WDR59: variants seen among roughly 807,000 people sequenced by gnomAD.
WDR59 encodes the protein GATOR2 complex protein WDR59.
In WDR59, 100 loss-of-function variants were observed where a neutral mutation model predicts 131.2. The ratio of observed to expected loss-of-function variants is 0.76; its 90% CI spans 0.65 to 0.90. The LOEUF is 0.90. Among genes scored for constraint, WDR59 ranks in the 40% least tolerant of loss-of-function variants. WDR59 has a pLI of 0.00. For missense variants in WDR59, 1,203 were observed against 1,262.2 expected (o/e 0.95, Z 0.71); for synonymous variants, 601 against 466.2 (o/e 1.29, Z -3.72).
intron 6 of WDR59, among the ~76,000 whole-genome samples, chr16:74,945,571 T>C (rs910095155): frequency 3.3e-5 from 5 of 152,006 alleles, no homozygotes; most frequent in Non-Finnish European, 7.4e-5. Context: ...TTCTATTCAG[T>C]TATACGCCCT....
rs769401741 is a variant in WDR59, at chr16:74,886,510, C to T, written c.2420-114G>A. Reference sequence around the variant, plus strand: ...TGGATTTCCCAGAAGAAATGTTAAGCGAGGCTGAATATTCTGAGAAATATA... The same window carrying T: ...TGGATTTCCCAGAAGAAATGTTAAGTGAGGCTGAATATTCTGAGAAATATA... On this transcript the variant is annotated intron_variant, in intron 23 of 25. Transcript: ENST00000262144. The T allele has an allele frequency of 2.7e-4, 372 of 1,370,890 alleles. 1 individual carries two copies. The highest frequency in any genetic ancestry group is 2.8e-4 in the Non-Finnish European group (287 of 1,027,372). 84.9% of individuals were successfully genotyped at this position (1,370,890 alleles called of 1,614,324 possible).
At chr16:74,981,848 G>C (rs1177122935) in intron 1 of WDR59, among the ~76,000 whole-genome samples, 1 of 140,110 alleles carries the variant, frequency 7.1e-6, no homozygotes, top group Non-Finnish European at 1.6e-5. Flanking sequence ...TAGAGATAGG[G>C]TTTCACCATG....
chr16:74,962,522 T>C lies in WDR59; in HGVS notation c.104+3251A>G, dbSNP rs546763705. Among the ~76,000 whole-genome samples, 6 of 152,286 alleles carry C rather than the reference T, an allele frequency of 3.9e-5. No homozygotes were observed. In the South Asian group the frequency reaches 1.2e-3, roughly 32 times the overall value. On this transcript the variant is annotated intron_variant, in intron 2 of 25. Coordinates refer to ENST00000262144, the MANE Select transcript of WDR59 (RefSeq NM_030581.4). ...TCACTTCCCTTGTTAGCTGTATTCC[T>C]AGGTATTTTATTCTCTTTGTAACAA...
chr16:74,938,403 T>A, intron 7 of WDR59, 137 bp from the exon 8 acceptor site: 1 of 542,694 alleles, frequency 1.8e-6, no homozygotes, highest in South Asian at 5.3e-5. Flanking sequence ...AGACTTTGTT[T>A]GTTTTGGTTA....
chr16:74,918,760 A>G (rs1180138469), intron 10 of WDR59, among the ~76,000 whole-genome samples: 1 of 152,206 alleles, frequency 6.6e-6, no homozygotes, highest in Non-Finnish European at 1.5e-5. Context: ...AATTTCATCC[A>G]ATTTCTTAAT....
intron 16 of WDR59, among the ~76,000 whole-genome samples, 197 bp from the exon 17 acceptor site, chr16:74,909,174 G>A (rs11149783): frequency 0.63 from 95,495 of 151,738 alleles, 30,117 homozygotes; most frequent in East Asian, 0.71. Context: ...GAGAGAGGAT[G>A]TATGTGGACT....
chr16:74,907,903 TTAGATAA>T (rs1200798482), intron 17 of WDR59, among the ~76,000 whole-genome samples: 1 of 152,180 alleles, frequency 6.6e-6, no homozygotes, highest in Non-Finnish European at 1.5e-5. Context: ...AAGCTGAAGT[TTAGATAA>T]CTTGCCCAAG....
At position 74,916,577 on chromosome 16, in the gene WDR59, G is replaced by A. The variant is rs115788613; in HGVS notation, c.967-318C>T. On this transcript the variant is annotated intron_variant, in intron 11 of 25. Coordinates refer to ENST00000262144, the MANE Select transcript of WDR59 (RefSeq NM_030581.4). ...ATCCAGGAGCAAAAATATCATAACC[G>A]GCCAGGCGTAGTGGCTCATGCCTGT... Among the ~76,000 whole-genome samples the A allele has an allele frequency of 7.9e-3, 1,195 of 152,194 alleles. 12 individuals carry two copies. The highest frequency in any genetic ancestry group is 0.027 in the African/African-American group (1,119 of 41,524).
chr16:74,933,569 G>A (rs2031569678), intron 8 of WDR59, among the ~76,000 whole-genome samples: 3 of 151,992 alleles, frequency 2.0e-5, no homozygotes, highest in African/African-American at 7.3e-5. Context: ...TATCAAGACT[G>A]CAATCATTTC....
rs1012876553 is a variant in WDR59 at position 74,889,828 on chromosome 16, A to G, written c.2083-13T>C. 1 of 1,597,152 alleles carries G rather than the reference A, an allele frequency of 6.3e-7. No individual in the cohort carries two copies. Among genetic ancestry groups the G allele is most frequent in the Non-Finnish European group, 8.5e-7 (1 of 1,171,018 alleles). ...CCAGCGACCAAACCTGGACAGATCAAAGAGAAATACAAACTCAAACTGGCA... is the reference window on the plus strand; with the variant it reads ...CCAGCGACCAAACCTGGACAGATCAGAGAGAAATACAAACTCAAACTGGCA... On this transcript the variant is annotated splice_polypyrimidine_tract_variant and intron_variant, in intron 20 of 25. Coordinates refer to ENST00000262144, the MANE Select transcript of WDR59 (RefSeq NM_030581.4).
chr16:74,910,775 T>G (rs983541010), intron 14 of WDR59, among the ~76,000 whole-genome samples: 1 of 152,198 alleles, frequency 6.6e-6, no homozygotes, highest in African/African-American at 2.4e-5. Context: ...CAAGGTCTGA[T>G]TTTTCCTTTG....
chr16:74,937,795 C>T (rs933355761), intron 8 of WDR59, among the ~76,000 whole-genome samples: 12 of 152,180 alleles, frequency 7.9e-5, no homozygotes, highest in African/African-American at 2.9e-4. Context: ...AGCCACCATG[C>T]CCGGCCAACT....
At chr16:74,969,275 ATTTGT>A (rs1486379445) in intron 1 of WDR59, among the ~76,000 whole-genome samples, 3 of 152,088 alleles carry the variant, frequency 2.0e-5, no homozygotes, top group Admixed American at 6.6e-5. Flanking sequence ...TATTATACAT[ATTTGT>A]TTTGTCTTTT....
intron 14 of WDR59, chr16:74,911,925 A>T (rs1243310627): frequency 1.8e-6 from 1 of 544,296 alleles, no homozygotes; most frequent in African/African-American, 1.9e-5. Context: ...CTCAAATCAT[A>T]TGCAATCATT....
chr16:74,942,668 T>C, intron 7 of WDR59, 70 bp downstream of exon 7: 1 of 1,492,932 alleles, frequency 6.7e-7, no homozygotes, highest in Non-Finnish European at 9.3e-7. Flanking sequence ...GTCCTGGCAC[T>C]CATAAAATCA....
intron 8 of WDR59, among the ~76,000 whole-genome samples, chr16:74,931,883 A>G: frequency 6.6e-6 from 1 of 152,046 alleles, no homozygotes; most frequent in East Asian, 1.9e-4. Context: ...CAAAAAAAAA[A>G]GAACAACTTA....
chr16:74,883,539 C>T (rs769787927), intron 25 of WDR59, among the ~76,000 whole-genome samples: 5 of 152,174 alleles, frequency 3.3e-5, no homozygotes, highest in Non-Finnish European at 7.4e-5. Context: ...GAGCTCTGTA[C>T]AGACATTTTG....
At chr16:74,887,564 T>A (rs919930967) in intron 23 of WDR59, 119 bp downstream of exon 23, 3 of 965,758 alleles carry the variant, frequency 3.1e-6, no homozygotes, top group East Asian at 2.6e-5. Context: ...TCACAGTAAA[T>A]GTAAAGAGAA....
At chr16:74,894,984 C>T (rs539966675) in intron 18 of WDR59, among the ~76,000 whole-genome samples, 28 of 152,180 alleles carry the variant, frequency 1.8e-4, no homozygotes, top group Non-Finnish European at 3.5e-4. Flanking sequence ...ATTTAGATTA[C>T]TCACAAATAA....
Sources: gnomAD v4.1 joint callset for allele counts (sites outside exome capture counted in the v4.1 genomes callset) on GRCh38, gnomAD v4.1.1 for gene constraint, MANE v1.5 for transcripts, NCBI Gene and HGNC (gene_info 2026-07-23, HGNC 2026-07-21) for gene names.